TM9SF3: variants seen among roughly 807,000 people sequenced by gnomAD.
The protein encoded by TM9SF3 is transmembrane 9 superfamily member 3, also known as SM-11044-binding protein.
Under a neutral mutation model 78.6 loss-of-function variants are expected in TM9SF3, and 14 were observed. The ratio of observed to expected loss-of-function variants is 0.18; its 90% confidence interval spans 0.12 to 0.28. TM9SF3 has a LOEUF of 0.28. Ranked by LOEUF, TM9SF3 falls within the 10% of genes least tolerant of loss-of-function variation. The pLI, the probability that TM9SF3 is intolerant of heterozygous loss-of-function variation, is 1.00. For synonymous variants in TM9SF3, 231 were observed against 241.7 expected (o/e 0.96, Z 0.41); for missense variants, 496 against 721.9 (o/e 0.69, Z 3.59).
chr10:96,583,398 T>C (rs752470317), intron 1 of TM9SF3, among the ~76,000 whole-genome samples: 1 of 152,254 alleles, frequency 6.6e-6, no homozygotes, highest in Non-Finnish European at 1.5e-5. Context: ...TGCTCCTTAA[T>C]GCTAACCCAA....
At chr10:96,553,275 A>G (rs1023134587) in intron 5 of TM9SF3, among the ~76,000 whole-genome samples, 2 of 152,230 alleles carry the variant, frequency 1.3e-5, no homozygotes. Context: ...TGTTGAAAAC[A>G]TGCTATCATT....
chr10:96,548,368 CT>C (rs1177758571), intron 7 of TM9SF3, among the ~76,000 whole-genome samples: 1 of 152,174 alleles, frequency 6.6e-6, no homozygotes, highest in African/African-American at 2.4e-5. Flanking sequence ...CTGGAATAGT[CT>C]GTTTCATAAC....
chr10:96,543,035 T>C (rs1386629229), intron 9 of TM9SF3, among the ~76,000 whole-genome samples: 2 of 152,244 alleles, frequency 1.3e-5, no homozygotes. Context: ...CGATTGTGAC[T>C]AAGTTATTGA....
chr10:96,560,963 TG>T, intron 4 of TM9SF3: 1 of 465,642 alleles, frequency 2.1e-6, no homozygotes, highest in Non-Finnish European at 4.0e-6. Context: ...AGCCCAAAGA[TG>T]GGGAGAAAAG....
intron 9 of TM9SF3, among the ~76,000 whole-genome samples, chr10:96,538,456 T>C (rs913320187): frequency 6.6e-6 from 1 of 152,124 alleles, no homozygotes; most frequent in Non-Finnish European, 1.5e-5. Context: ...AAGGAAAGCT[T>C]AGTGATGTCT....
In TM9SF3 at chr10:96,522,018, T is replaced by G. The variant is rs932437312; in HGVS notation, c.*245A>C. On this transcript the variant is annotated 3_prime_UTR_variant, in exon 15 of 15. Coordinates refer to ENST00000371142, the MANE Select transcript of TM9SF3 (RefSeq NM_020123.4). ...AGCTAGTTTTTGGGAAGATTAGCCA[T>G]GTACTGTAGTAATGCCTACTGCATA... 2.2e-6 allele frequency: 1 copy of G among 460,100 alleles called. No individual in the cohort carries two copies. The highest frequency in any genetic ancestry group is 3.8e-6 in the Non-Finnish European group (1 of 262,752). 28.5% of individuals were successfully genotyped at this position (460,100 alleles called of 1,614,324 possible). A position where few individuals can be genotyped will look rare whatever the true frequency, so the allele number is the denominator to read the frequency against.
At chr10:96,548,877 C>T (rs1424082691) in intron 7 of TM9SF3, among the ~76,000 whole-genome samples, 1 of 151,500 alleles carries the variant, frequency 6.6e-6, no homozygotes, top group Non-Finnish European at 1.5e-5. Context: ...ATAGGTCCTT[C>T]ACTTCTTTGT....
intron 11 of TM9SF3, among the ~76,000 whole-genome samples, chr10:96,528,558 GAAAAT>G (rs1389405443): frequency 1.3e-5 from 2 of 151,976 alleles, no homozygotes; most frequent in South Asian, 2.1e-4. Context: ...TTATTAAATA[GAAAAT>G]AAAATAATAA....
intron 4 of TM9SF3, among the ~76,000 whole-genome samples, chr10:96,561,441 C>A (rs1199938956): frequency 6.6e-6 from 1 of 152,144 alleles, no homozygotes; most frequent in Admixed American, 6.5e-5. Context: ...CTGGCAGAGG[C>A]TACCTACACT....
At chr10:96,523,702 A>T (rs1847807086) in intron 14 of TM9SF3, among the ~76,000 whole-genome samples, 1 of 151,924 alleles carries the variant, frequency 6.6e-6, no homozygotes, top group Non-Finnish European at 1.5e-5. Flanking sequence ...AAGAAACTTT[A>T]AATGACACTT....
At chr10:96,585,445 A>C (rs1242173225) in intron 1 of TM9SF3, among the ~76,000 whole-genome samples, 1 of 152,232 alleles carries the variant, frequency 6.6e-6, no homozygotes, top group Non-Finnish European at 1.5e-5. Context: ...ACCTCCCAAC[A>C]AAATTATCTT....
chr10:96,576,486 A>G (rs1296120464), intron 2 of TM9SF3, 148 bp downstream of exon 2: 1 of 662,248 alleles, frequency 1.5e-6, no homozygotes, highest in African/African-American at 1.9e-5. Context: ...TGGGGGGTAC[A>G]GGCCAGGGAC....
At chr10:96,560,772 C>G in intron 4 of TM9SF3, 1 of 565,746 alleles carries the variant, frequency 1.8e-6, no homozygotes, top group Non-Finnish European at 3.4e-6. Context: ...AAAGTCAAAT[C>G]AGAATGGAAA....
At chr10:96,524,040 G>A (rs945666108) in intron 14 of TM9SF3, among the ~76,000 whole-genome samples, 3 of 151,676 alleles carry the variant, frequency 2.0e-5, no homozygotes, top group African/African-American at 4.8e-5. Context: ...AGAATAAAAG[G>A]GGGGGATACA....
At chr10:96,569,749 A>G (rs560889328) in intron 2 of TM9SF3, among the ~76,000 whole-genome samples, 56 of 152,262 alleles carry the variant, frequency 3.7e-4, no homozygotes, top group African/African-American at 1.3e-3. Flanking sequence ...AAAATGGGAG[A>G]AAGGCCGGGC....
intron 1 of TM9SF3, among the ~76,000 whole-genome samples, chr10:96,582,012 C>T (rs554923072): frequency 6.6e-6 from 1 of 152,246 alleles, no homozygotes; most frequent in African/African-American, 2.4e-5. Context: ...ACTGCATATC[C>T]TTGTCACTAG....
At chr10:96,555,125 T>C (rs1261672123) in intron 5 of TM9SF3, among the ~76,000 whole-genome samples, 4 of 152,172 alleles carry the variant, frequency 2.6e-5, no homozygotes, top group Non-Finnish European at 5.9e-5. Context: ...TCCTCTATTC[T>C]AAAATTTACA....
intron 9 of TM9SF3, among the ~76,000 whole-genome samples, chr10:96,536,672 C>T (rs1252521805): frequency 1.3e-5 from 2 of 152,144 alleles, no homozygotes; most frequent in Non-Finnish European, 2.9e-5. Flanking sequence ...GACAGCATCC[C>T]TGAGACACCC....
intron 5 of TM9SF3, among the ~76,000 whole-genome samples, chr10:96,559,434 A>T (rs1848275498): frequency 1.4e-5 from 2 of 142,116 alleles, no homozygotes; most frequent in African/African-American, 5.2e-5. Context: ...TTCTTCGTTT[A>T]TCTCTTAATT....
Sources: allele counts gnomAD v4.1 joint callset (sites outside exome capture counted in the v4.1 genomes callset), GRCh38; gene constraint gnomAD v4.1.1; transcripts MANE v1.5; gene names NCBI Gene and HGNC (gene_info 2026-07-23, HGNC 2026-07-21).